Variants in SGCZ observed in about 807,000 individuals in gnomAD.
The protein encoded by SGCZ is sarcoglycan zeta.
In SGCZ, 40 loss-of-function variants were observed where a neutral mutation model predicts 41.3. The observed-to-expected ratio is 0.97, with a 90% CI of 0.75 to 1.26. SGCZ has a LOEUF of 1.26. Ranked by LOEUF, SGCZ falls within the 50% of genes most tolerant of loss-of-function variation. The pLI is 0.00. For missense variants in SGCZ, 552 were observed against 369.8 expected, an observed-to-expected ratio of 1.49 and a Z score of -4.04; for synonymous variants, 206 against 137.5, an observed-to-expected ratio of 1.50 and a Z score of -3.49.
At chr8:14,341,519 G>C (rs1419347062) in intron 2 of SGCZ, among the ~76,000 whole-genome samples, 1 of 152,110 alleles carries the variant, frequency 6.6e-6, no homozygotes, top group African/African-American at 2.4e-5. Flanking sequence ...TAGGTTTGAA[G>C]TGACAAGACG....
chr8:14,620,871 G>A (rs1429071366), intron 1 of SGCZ, among the ~76,000 whole-genome samples: 1 of 152,186 alleles, frequency 6.6e-6, no homozygotes, highest in African/African-American at 2.4e-5. Flanking sequence ...CATTGTGGAA[G>A]ACAGTGTGGT....
At chr8:15,105,158 G>T (rs1036427598) in intron 1 of SGCZ, among the ~76,000 whole-genome samples, 1 of 152,120 alleles carries the variant, frequency 6.6e-6, no homozygotes, top group African/African-American at 2.4e-5. Context: ...TTATCCAAAA[G>T]TCTATTCAAG....
At chr8:14,607,663 T>C (rs1174231943) in intron 1 of SGCZ, among the ~76,000 whole-genome samples, 2 of 151,914 alleles carry the variant, frequency 1.3e-5, no homozygotes, top group African/African-American at 4.8e-5. Flanking sequence ...AATTATAAAA[T>C]AGAGATAGAA....
intron 4 of SGCZ, among the ~76,000 whole-genome samples, chr8:14,198,904 C>T (rs1168519601): frequency 6.6e-6 from 1 of 152,144 alleles, no homozygotes; most frequent in East Asian, 1.9e-4. Flanking sequence ...GCTGTCTTTA[C>T]TTTAATCTCT....
chr8:15,195,140 G>A (rs1800680556), intron 1 of SGCZ, among the ~76,000 whole-genome samples: 1 of 152,138 alleles, frequency 6.6e-6, no homozygotes, highest in Non-Finnish European at 1.5e-5. Context: ...TCTGAAAACT[G>A]TAATACAGTC....
rs1231008773 is a variant in SGCZ at position 14,382,420 on chromosome 8, A to G, written c.235-58216T>C. ...TGATGGTCACTAACAAAAAAATTTA[A>G]AAAAAAACACAATACCATATCACAG... On this transcript the variant is annotated intron_variant, in intron 2 of 7. Transcript: ENST00000382080. Among the ~76,000 whole-genome samples the G allele has an allele frequency of 2.0e-5, 3 of 151,402 alleles. No individual in the cohort carries two copies. The East Asian group carries it at 5.8e-4, about 29-fold the overall frequency.
At chr8:14,448,849 C>G (rs918664320) in intron 2 of SGCZ, among the ~76,000 whole-genome samples, 2 of 152,180 alleles carry the variant, frequency 1.3e-5, no homozygotes, top group Admixed American at 6.5e-5. Flanking sequence ...CATTTGATAT[C>G]TACACTGACA....
chr8:14,514,101 T>G (rs985314411), intron 2 of SGCZ, among the ~76,000 whole-genome samples: 16 of 152,108 alleles, frequency 1.1e-4, no homozygotes, highest in Admixed American at 1.0e-3. Context: ...TTGAGAAGAT[T>G]TTCTTTTCTT....
intron 1 of SGCZ, chr8:14,690,742 T>C (rs1162089162): frequency 2.6e-5 from 4 of 152,180 alleles, no homozygotes; most frequent in South Asian, 4.1e-4. Context: ...AGAATATGGC[T>C]CTAGGTAAAA....
chr8:14,771,695 C>A (rs1800245084), intron 1 of SGCZ, among the ~76,000 whole-genome samples: 1 of 152,122 alleles, frequency 6.6e-6, no homozygotes, highest in Admixed American at 6.5e-5. Context: ...ATTTGGGAAG[C>A]AGTGGAATGT....
intron 2 of SGCZ, among the ~76,000 whole-genome samples, chr8:14,413,987 C>T (rs1385452533): frequency 2.6e-5 from 4 of 151,854 alleles, no homozygotes; most frequent in African/African-American, 7.2e-5. Flanking sequence ...GATTATTAAT[C>T]GAGACTGTTT....
At chr8:14,469,150 T>C (rs567685097) in intron 2 of SGCZ, among the ~76,000 whole-genome samples, 5 of 152,240 alleles carry the variant, frequency 3.3e-5, no homozygotes, top group South Asian at 2.1e-4. Flanking sequence ...TGGTGCCCTA[T>C]CATTTCTAAG....
At chr8:14,952,431 C>A (rs1043043205) in intron 1 of SGCZ, among the ~76,000 whole-genome samples, 1 of 152,054 alleles carries the variant, frequency 6.6e-6, no homozygotes, top group Non-Finnish European at 1.5e-5. Context: ...TTAAGTGATG[C>A]TGATTTACTG....
intron 1 of SGCZ, among the ~76,000 whole-genome samples, chr8:14,745,817 G>A (rs1053583984): frequency 2.6e-5 from 4 of 151,894 alleles, no homozygotes; most frequent in African/African-American, 4.8e-5. Flanking sequence ...CAACCAAGTA[G>A]GGAATTTAGT....
intron 5 of SGCZ, among the ~76,000 whole-genome samples, chr8:14,154,717 A>C (rs749029449): frequency 1.3e-5 from 2 of 152,180 alleles, no homozygotes; most frequent in Non-Finnish European, 2.9e-5. Context: ...AGGCTGTTTC[A>C]GAAAATTTGG....
rs540588365 is a variant in SGCZ at position 14,983,216 on chromosome 8, C to T, written c.39+254369G>A. Among the ~76,000 whole-genome samples, 144 of 147,392 alleles carry T rather than the reference C, an allele frequency of 9.8e-4. 2 individuals carry two copies. Among genetic ancestry groups the T allele is most frequent in the African/African-American group, 3.6e-3 (141 of 39,502 alleles). On this transcript the variant is annotated intron_variant, in intron 1 of 7. Transcript: ENST00000382080. ...TCTTTTTTTTTTTGAGACAGGTTCT[C>T]ACTCTCTCGCCCAGGCTGGAGTGCA...
At chr8:14,779,128 G>A (rs1331874307) in intron 1 of SGCZ, among the ~76,000 whole-genome samples, 1 of 152,188 alleles carries the variant, frequency 6.6e-6, no homozygotes, top group Non-Finnish European at 1.5e-5. Flanking sequence ...CGTGATCCTT[G>A]TCTTTTGGTC....
At chr8:14,623,424 C>A (rs979322888) in intron 1 of SGCZ, among the ~76,000 whole-genome samples, 14 of 152,120 alleles carry the variant, frequency 9.2e-5, no homozygotes, top group Non-Finnish European at 1.5e-5. Flanking sequence ...CGCTGTTGAA[C>A]ACATAACAAG....
At chr8:14,259,450 C>T (rs937598207) in intron 3 of SGCZ, among the ~76,000 whole-genome samples, 5 of 150,490 alleles carry the variant, frequency 3.3e-5, no homozygotes, top group South Asian at 2.1e-4. Context: ...TTAGGTCGAA[C>T]GTTTAAGTCT....
Sources: allele counts gnomAD v4.1 joint callset (sites outside exome capture counted in the v4.1 genomes callset), GRCh38; gene constraint gnomAD v4.1.1; transcripts MANE v1.5; gene names NCBI Gene and HGNC (gene_info 2026-07-23, HGNC 2026-07-21).